Variants in NAALADL2 observed in about 807,000 individuals in gnomAD.
NAALADL2 encodes the protein inactive N-acetylated-alpha-linked acidic dipeptidase-like protein 2.
NAALADL2 carries 76 observed loss-of-function variants against 87.2 expected under a neutral mutation model. The observed-to-expected ratio is 0.87, with a 90% CI of 0.72 to 1.05. The LOEUF is 1.05. Among genes scored for constraint, NAALADL2 ranks in the 50% least tolerant of loss-of-function variants. The pLI, the probability that NAALADL2 is intolerant of heterozygous loss-of-function variation, is 0.00. For synonymous variants in NAALADL2, 354 were observed against 331.0 expected (o/e 1.07, Z -0.75); for missense variants, 1,089 against 945.8 (o/e 1.15, Z -1.99).
intron 11 of NAALADL2, among the ~76,000 whole-genome samples, chr3:175,686,506 A>C (rs975997485): frequency 6.6e-6 from 1 of 152,116 alleles, no homozygotes; most frequent in Non-Finnish European, 1.5e-5. Context: ...CCTTCTGTGA[A>C]TATTAGTGGA....
chr3:174,755,718 A>G (rs953725492), intron 3 of NAALADL2, among the ~76,000 whole-genome samples: 3 of 152,238 alleles, frequency 2.0e-5, no homozygotes, highest in African/African-American at 4.8e-5. Flanking sequence ...ATCGTAAATC[A>G]AAGAGTTCAT....
chr3:175,046,306 C>A (rs981323009), intron 1 of NAALADL2, among the ~76,000 whole-genome samples: 1 of 152,078 alleles, frequency 6.6e-6, no homozygotes, highest in African/African-American at 2.4e-5. Flanking sequence ...GCTAGTGATG[C>A]AATGCTGTTG....
chr3:175,722,213 A>T (rs1418183069), intron 11 of NAALADL2, among the ~76,000 whole-genome samples: 1 of 152,162 alleles, frequency 6.6e-6, no homozygotes, highest in African/African-American at 2.4e-5. Context: ...AAAATCAGAC[A>T]GAGAAGATTT....
intron 1 of NAALADL2, among the ~76,000 whole-genome samples, chr3:174,998,452 G>A (rs1747821424): frequency 6.6e-6 from 1 of 152,224 alleles, no homozygotes; most frequent in African/African-American, 2.4e-5. Context: ...AGGGTCTGCA[G>A]TAGATAGACT....
At position 175,011,272 on chromosome 3, in the gene NAALADL2, CAG is replaced by C. The variant is rs1408169414; in HGVS notation, c.44-85512_44-85511del. The stretch of plus-strand genomic sequence containing the variant: ...AGAGACAGAGAGAGAGGGAGAGAGA[CAG>C]AGAGACAGAGAGAGAGAGAGAGAGA... On this transcript the variant is annotated intron_variant, in intron 1 of 13. Transcript: ENST00000454872. Among the ~76,000 whole-genome samples, 7 of 110,374 alleles carry C rather than the reference CAG, an allele frequency of 6.3e-5. No homozygotes were observed. In the South Asian group the frequency reaches 1.9e-3, roughly 30 times the overall value. The allele number at this position is 110,374 out of a possible 152,430, so 72.4% of individuals were successfully genotyped here.
At chr3:175,403,218 A>G (rs1168959610) in intron 5 of NAALADL2, among the ~76,000 whole-genome samples, 1 of 151,790 alleles carries the variant, frequency 6.6e-6, no homozygotes, top group Non-Finnish European at 1.5e-5. Context: ...TTTTGTGTCT[A>G]TTCCCCAGCT....
intron 1 of NAALADL2, among the ~76,000 whole-genome samples, chr3:175,078,847 T>G (rs1717170828): frequency 6.6e-6 from 1 of 152,228 alleles, no homozygotes; most frequent in African/African-American, 2.4e-5. Context: ...TCTATGGATA[T>G]TTCAGTTGTT....
At chr3:175,177,238 A>G (rs1464313985) in intron 2 of NAALADL2, among the ~76,000 whole-genome samples, 1 of 151,992 alleles carries the variant, frequency 6.6e-6, no homozygotes, top group Non-Finnish European at 1.5e-5. Context: ...CCCCTACCCC[A>G]TCATCATACA....
chr3:175,199,448 C>T (rs746145128), intron 2 of NAALADL2, among the ~76,000 whole-genome samples: 5 of 152,010 alleles, frequency 3.3e-5, no homozygotes, highest in Admixed American at 6.6e-5. Flanking sequence ...GGTTATAATG[C>T]TTTCTTTACA....
chr3:175,708,566 C>T (rs1037939725), intron 11 of NAALADL2, among the ~76,000 whole-genome samples: 7 of 150,124 alleles, frequency 4.7e-5, no homozygotes, highest in East Asian at 2.0e-4. Context: ...AAAGTAGAGA[C>T]GGAGATTATT....
At chr3:175,800,991 T>C (rs912067755) in intron 13 of NAALADL2, among the ~76,000 whole-genome samples, 2 of 152,136 alleles carry the variant, frequency 1.3e-5, no homozygotes, top group Non-Finnish European at 2.9e-5. Context: ...CACTCCCCAT[T>C]AATCCCTACA....
At position 175,013,295 on chromosome 3, in the gene NAALADL2, A is replaced by ATG. The variant is rs1220823542; in HGVS notation, c.44-83494_44-83493insGT. ...TATATATACATATATATATATATAT[A>ATG]TATATATTTTTTTTTTTTTTTGAGA... On this transcript the variant is annotated intron_variant, in intron 1 of 13. Coordinates refer to ENST00000454872, the MANE Select transcript of NAALADL2 (RefSeq NM_207015.3). 9.1e-3 allele frequency among the ~76,000 whole-genome samples: 705 copies of ATG among 77,072 alleles called. 8 individuals carry two copies. Among genetic ancestry groups the ATG allele is most frequent in the Non-Finnish European group, 0.013 (586 of 46,324 alleles). The allele number at this position is 77,072 out of a possible 152,430, so 50.6% of individuals were successfully genotyped here.
Position 175,803,070 on chromosome 3 carries a change from A to G in NAALADL2, c.2255A>G (p.His752Arg). Residue 752 changes from histidine to arginine, a missense_variant, in exon 14 of 14, where the codon CAC becomes CGC. By Grantham distance (29) the His-to-Arg change is conservative. Transcript: ENST00000454872. ...RFSILIEAWE[H>R]CKPLASNETL... Reference sequence around the variant, plus strand: ...TCAATACTTATAGAGGCTTGGGAACACTGCAAACCCCTTGCATCAAATGAG... The same window carrying G: ...TCAATACTTATAGAGGCTTGGGAACGCTGCAAACCCCTTGCATCAAATGAG... The G allele has an allele frequency of 1.2e-6, 2 of 1,612,408 alleles. No individual in the cohort carries two copies. The highest frequency in any genetic ancestry group is 1.7e-6 in the Non-Finnish European group (2 of 1,178,966).
chr3:174,912,757 A>G (rs1037872670), intron 1 of NAALADL2, among the ~76,000 whole-genome samples: 4 of 152,152 alleles, frequency 2.6e-5, no homozygotes, highest in African/African-American at 9.7e-5. Flanking sequence ...ACAAATTTAG[A>G]ATTATATATT....
chr3:175,053,463 G>A (rs575545629), intron 1 of NAALADL2, among the ~76,000 whole-genome samples: 2 of 152,220 alleles, frequency 1.3e-5, no homozygotes, highest in African/African-American at 4.8e-5. Flanking sequence ...CTCAGCATCA[G>A]CCTCAGCATG....
chr3:174,665,996 A>G lies in NAALADL2; in HGVS notation c.-114-71645A>G, dbSNP rs142255656. Among the ~76,000 whole-genome samples the G allele has an allele frequency of 7.7e-3, 1,170 of 152,288 alleles. 12 individuals carry two copies. The highest frequency in any genetic ancestry group is 0.012 in the Non-Finnish European group (840 of 68,014). On this transcript the variant is annotated intron_variant, in intron 2 of 3. Transcript: ENST00000434257. ...GATTTAGGGTCCACCCTAATCCAGT[A>G]TGACCTTGTCTTAACTTGATTACAC... is the stretch of plus-strand genomic sequence containing the variant.
chr3:175,781,652 T>C (rs1224258349), intron 13 of NAALADL2, among the ~76,000 whole-genome samples: 4 of 141,380 alleles, frequency 2.8e-5, no homozygotes, highest in Admixed American at 2.0e-4. Context: ...TTTTCATTTT[T>C]AGCAAAAAAA....
At chr3:174,788,513 C>T (rs888931452) in intron 3 of NAALADL2, among the ~76,000 whole-genome samples, 4 of 152,144 alleles carry the variant, frequency 2.6e-5, no homozygotes, top group Non-Finnish European at 2.9e-5. Flanking sequence ...TGCCTTCTTG[C>T]TGTGTCCTCA....
intron 13 of NAALADL2, among the ~76,000 whole-genome samples, chr3:175,784,957 A>G (rs1751714507): frequency 1.4e-5 from 2 of 145,224 alleles, no homozygotes; most frequent in Admixed American, 1.3e-4. Context: ...TCATTGCGTT[A>G]TGTACCCAGT....
Sources: allele counts gnomAD v4.1 joint callset (sites outside exome capture counted in the v4.1 genomes callset), GRCh38; gene constraint gnomAD v4.1.1; transcripts MANE v1.5; gene names NCBI Gene and HGNC (gene_info 2026-07-23, HGNC 2026-07-21).